The following CTNNA3 variants were observed in gnomAD, a reference collection of about 807,000 sequenced individuals.
CTNNA3 encodes catenin alpha-3.
Under a neutral mutation model 95.7 loss-of-function variants are expected in CTNNA3, and 76 were observed. That is an observed-to-expected ratio of 0.79 (90% CI 0.66 to 0.96). The LOEUF is 0.96. Ranked by LOEUF, CTNNA3 falls within the 40% of genes least tolerant of loss-of-function variation. The pLI, the probability that CTNNA3 is intolerant of heterozygous loss-of-function variation, is 0.00. For missense variants in CTNNA3, 1,191 were observed against 1,089.8 expected (o/e 1.09, Z -1.31); for synonymous variants, 431 against 374.4 (o/e 1.15, Z -1.74).
At chr10:67,592,877 G>T (rs1216513352) in intron 3 of CTNNA3, among the ~76,000 whole-genome samples, 2 of 152,090 alleles carry the variant, frequency 1.3e-5, no homozygotes, top group Non-Finnish European at 2.9e-5. Flanking sequence ...TCAGTAAACT[G>T]CATGTCACTG....
chr10:67,136,879 A>G (rs966414788), intron 7 of CTNNA3, among the ~76,000 whole-genome samples: 7 of 152,186 alleles, frequency 4.6e-5, no homozygotes, highest in Non-Finnish European at 7.3e-5. Flanking sequence ...CAGGGACAAC[A>G]TCTCTCATTC....
chr10:67,100,783 T>C (rs1858292757), intron 7 of CTNNA3, among the ~76,000 whole-genome samples: 1 of 151,652 alleles, frequency 6.6e-6, no homozygotes, highest in Admixed American at 6.6e-5. Context: ...AACAACCCTA[T>C]GAAGACACAT....
intron 7 of CTNNA3, among the ~76,000 whole-genome samples, chr10:67,076,505 G>T (rs1370053220): frequency 1.3e-5 from 2 of 152,190 alleles, no homozygotes; most frequent in Admixed American, 1.3e-4. Flanking sequence ...CCATCAGAAT[G>T]CCAAGCCCTT....
intron 5 of CTNNA3, among the ~76,000 whole-genome samples, chr10:67,450,697 G>C (rs1846947120): frequency 6.6e-6 from 1 of 151,872 alleles, no homozygotes. Context: ...CTTAATACCT[G>C]GGTGATGACA....
At chr10:66,402,717 G>T (rs1214957162) in intron 11 of CTNNA3, among the ~76,000 whole-genome samples, 1 of 152,040 alleles carries the variant, frequency 6.6e-6, no homozygotes, top group Non-Finnish European at 1.5e-5. Context: ...GAAGATAATC[G>T]TAGCCTAAAA....
chr10:66,112,712 A>T (rs2133784101), intron 13 of CTNNA3, among the ~76,000 whole-genome samples: 1 of 152,264 alleles, frequency 6.6e-6, no homozygotes, highest in African/African-American at 2.4e-5. Flanking sequence ...ATATAAGGCA[A>T]ATCATGCAGT....
At chr10:67,444,142 A>G (rs571468656) in intron 5 of CTNNA3, among the ~76,000 whole-genome samples, 3 of 152,320 alleles carry the variant, frequency 2.0e-5, no homozygotes, top group South Asian at 2.1e-4. Flanking sequence ...ATCATATGTT[A>G]GGTCCCAAAA....
At chr10:66,637,439 C>G (rs980435759) in intron 9 of CTNNA3, among the ~76,000 whole-genome samples, 1 of 152,232 alleles carries the variant, frequency 6.6e-6, no homozygotes. Flanking sequence ...CTCAAAGGCT[C>G]TGAGTCTGAG....
intron 11 of CTNNA3, among the ~76,000 whole-genome samples, chr10:66,383,079 T>A (rs973230384): frequency 6.6e-6 from 1 of 152,144 alleles, no homozygotes; most frequent in Admixed American, 6.5e-5. Flanking sequence ...GGAACAAAGC[T>A]GGATGGAAAA....
intron 13 of CTNNA3, among the ~76,000 whole-genome samples, chr10:66,148,700 T>C (rs942983326): frequency 1.4e-5 from 2 of 138,044 alleles, no homozygotes; most frequent in African/African-American, 5.5e-5. Flanking sequence ...CTTCTCAGCC[T>C]CCAGGACTAT....
At chr10:66,662,685 T>C (rs924270651) in intron 9 of CTNNA3, among the ~76,000 whole-genome samples, 1 of 152,078 alleles carries the variant, frequency 6.6e-6, no homozygotes, top group African/African-American at 2.4e-5. Flanking sequence ...TCTACTACAA[T>C]TGTTGTCTGC....
At chr10:66,230,602 C>T (rs537878553) in intron 13 of CTNNA3, among the ~76,000 whole-genome samples, 10 of 152,190 alleles carry the variant, frequency 6.6e-5, no homozygotes, top group Middle Eastern at 3.4e-3. Flanking sequence ...TGCACAGTCA[C>T]GTTGCCTGTG....
At chr10:66,707,712 A>C (rs914521832) in intron 9 of CTNNA3, among the ~76,000 whole-genome samples, 3 of 152,146 alleles carry the variant, frequency 2.0e-5, no homozygotes, top group Non-Finnish European at 4.4e-5. Context: ...ATGGATAATA[A>C]GTGACAAGGT....
chr10:67,337,914 C>T (rs1474575345), intron 5 of CTNNA3, among the ~76,000 whole-genome samples: 2 of 152,102 alleles, frequency 1.3e-5, no homozygotes, highest in Admixed American at 6.5e-5. Context: ...TTTATATGCA[C>T]TGGGAAATCA....
At position 67,324,099 on chromosome 10, in the gene CTNNA3, C is replaced by T. The variant is rs569885502; in HGVS notation, c.580-104229G>A. Among the ~76,000 whole-genome samples, 21 of 152,002 alleles carry T rather than the reference C, an allele frequency of 1.4e-4. No individual in the cohort carries two copies. The South Asian group carries it at 2.5e-3, about 18-fold the overall frequency. Reference sequence around the variant, plus strand: ...GACTCTGTTGCAAAACTGTTGAAGTCGCTTATCAGGTTAAGAAGCTTTTGG... The same window carrying T: ...GACTCTGTTGCAAAACTGTTGAAGTTGCTTATCAGGTTAAGAAGCTTTTGG... On this transcript the variant is annotated intron_variant, in intron 5 of 17. Transcript: ENST00000433211.
upstream of CTNNA3, among the ~76,000 whole-genome samples, chr10:67,697,901 A>G (rs371570327): frequency 2.6e-5 from 4 of 152,214 alleles, no homozygotes; most frequent in African/African-American, 9.6e-5. Flanking sequence ...CTGTATTTGT[A>G]TCAGTTTGCT....
At chr10:66,736,279 G>A (rs1225267492) in intron 9 of CTNNA3, among the ~76,000 whole-genome samples, 4 of 151,766 alleles carry the variant, frequency 2.6e-5, no homozygotes, top group Non-Finnish European at 4.4e-5. Context: ...TCCGCCTCCC[G>A]GGTTCAAGCA....
At chr10:66,228,127 T>C (rs10762031) in intron 13 of CTNNA3, among the ~76,000 whole-genome samples, 32,507 of 151,978 alleles carry the variant, frequency 0.21, 3,656 homozygotes, top group South Asian at 0.29. Context: ...CATTATATTG[T>C]TTTTATTTTA....
At chr10:67,464,830 C>T (rs775426494) in intron 5 of CTNNA3, among the ~76,000 whole-genome samples, 34 of 150,538 alleles carry the variant, frequency 2.3e-4, no homozygotes, top group Admixed American at 2.2e-3. Context: ...CCACATTGAC[C>T]GTTTCTTATC....
Sources: allele counts gnomAD v4.1 joint callset (sites outside exome capture counted in the v4.1 genomes callset), GRCh38; gene constraint gnomAD v4.1.1; transcripts MANE v1.5; gene names NCBI Gene and HGNC (gene_info 2026-07-23, HGNC 2026-07-21).